UBAP2: variants seen among roughly 807,000 people sequenced by gnomAD.
UBAP2 encodes the protein ubiquitin associated protein 2, also known as ubiquitin-associated protein 2.
A neutral mutation model predicts 139.6 loss-of-function variants in UBAP2; 75 were observed. The observed-to-expected ratio is 0.54, with a 90% CI of 0.45 to 0.65. UBAP2 has a LOEUF of 0.65. UBAP2 is among the 30% of genes least tolerant of loss of function. The pLI is 0.00. For missense variants in UBAP2, 1,368 were observed against 1,369.6 expected, an observed-to-expected ratio of 1.00 and a Z score of 0.02; for synonymous variants, 526 against 526.2, an observed-to-expected ratio of 1.00 and a Z score of 0.01.
chr9:33,991,104 G>A (rs1399666324), intron 4 of UBAP2, among the ~76,000 whole-genome samples: 1 of 152,090 alleles, frequency 6.6e-6, no homozygotes, highest in East Asian at 1.9e-4. Context: ...GGCCAACATT[G>A]TGAAACTCTT....
At chr9:33,976,813 A>G (rs1198751443) in intron 6 of UBAP2, among the ~76,000 whole-genome samples, 1 of 151,568 alleles carries the variant, frequency 6.6e-6, no homozygotes, top group Non-Finnish European at 1.5e-5. Flanking sequence ...CCTGGCCAAC[A>G]TGGTGAAATC....
At chr9:33,943,302 A>G (rs890370281) in intron 15 of UBAP2, 118 bp downstream of exon 15, 3 of 997,938 alleles carry the variant, frequency 3.0e-6, no homozygotes, top group South Asian at 4.0e-5. Flanking sequence ...TCTTATGGAG[A>G]TGATGGAAGG....
intron 4 of UBAP2, among the ~76,000 whole-genome samples, chr9:33,991,878 G>A (rs959718842): frequency 2.0e-5 from 3 of 152,098 alleles, no homozygotes; most frequent in East Asian, 1.9e-4. Context: ...ACACAGCCTC[G>A]CCGAAAGGTA....
At position 33,944,355 on chromosome 9, in the gene UBAP2, A is replaced by C. The variant is rs1825480239; in HGVS notation, c.1545+10T>G. On this transcript the variant is annotated intron_variant, in intron 14 of 28. Transcript: ENST00000379238. ...GCTTTAGGACGGTGACTTCATGATGAAATGCCCACCTTAGAAGCTGGGGGT... is the reference window on the plus strand; with the variant it reads ...GCTTTAGGACGGTGACTTCATGATGCAATGCCCACCTTAGAAGCTGGGGGT... 1 of 1,608,760 alleles carries C rather than the reference A, an allele frequency of 6.2e-7. No homozygotes were observed. The highest frequency in any genetic ancestry group is 2.2e-5 in the East Asian group (1 of 44,746).
At chr9:33,960,940 A>G in intron 9 of UBAP2, 62 bp from the exon 10 acceptor site, 4 of 1,527,260 alleles carry the variant, frequency 2.6e-6, no homozygotes, top group Non-Finnish European at 3.6e-6. Context: ...CTCAGTCCAA[A>G]TGATTCCTTT....
intron 2 of UBAP2, among the ~76,000 whole-genome samples, chr9:34,007,451 C>T (rs1328658824): frequency 3.1e-4 from 46 of 149,964 alleles, no homozygotes; most frequent in Admixed American, 2.9e-3. Flanking sequence ...GAGCCATGTT[C>T]GCATCATTAT....
chr9:34,029,847 C>T (rs1825735101), intron 1 of UBAP2, among the ~76,000 whole-genome samples: 1 of 150,226 alleles, frequency 6.7e-6, no homozygotes, highest in African/African-American at 2.4e-5. Context: ...AATTAGGCCG[C>T]TGTGGTGGGG....
intron 1 of UBAP2, among the ~76,000 whole-genome samples, chr9:34,035,088 T>C (rs1036378838): frequency 6.6e-6 from 1 of 152,150 alleles, no homozygotes; most frequent in Non-Finnish European, 1.5e-5. Flanking sequence ...TTCTGTATTC[T>C]GGTTTCCATC....
intron 1 of UBAP2, among the ~76,000 whole-genome samples, chr9:34,017,686 C>G (rs569448262): frequency 2.4e-4 from 37 of 152,152 alleles, no homozygotes; most frequent in Admixed American, 6.6e-4. Context: ...CAGCAATTCA[C>G]GAGGCCGAGG....
chr9:33,956,647 A>C (rs1332707720), intron 10 of UBAP2, among the ~76,000 whole-genome samples: 2 of 152,044 alleles, frequency 1.3e-5, no homozygotes, highest in Non-Finnish European at 2.9e-5. Context: ...AGGTAATTTT[A>C]GATTGAAAGG....
chr9:33,927,127 A>G, intron 20 of UBAP2, 47 bp from the exon 21 acceptor site: 2 of 1,461,346 alleles, frequency 1.4e-6, no homozygotes, highest in South Asian at 2.5e-5. Context: ...CACCACAAAG[A>G]GTGAGAGTCC....
chr9:34,049,030 C>T (rs1827886403), upstream of UBAP2: 1 of 152,326 alleles, frequency 6.6e-6, no homozygotes, highest in Non-Finnish European at 1.5e-5. Context: ...TTCCAGCCAC[C>T]ACCTCCACCC....
intron 1 of UBAP2, among the ~76,000 whole-genome samples, chr9:34,036,804 CTCTTTT>C (rs1318368596): frequency 5.3e-4 from 73 of 137,888 alleles, no homozygotes; most frequent in African/African-American, 1.3e-3. Context: ...TTAAGTTTTT[CTCTTTT>C]TTTTTTTTTT....
intron 1 of UBAP2, among the ~76,000 whole-genome samples, chr9:34,046,298 T>C (rs1309124453): frequency 8.5e-6 from 1 of 117,460 alleles, no homozygotes; most frequent in Non-Finnish European, 1.7e-5. Context: ...TAAATCATCA[T>C]TTAAAAAAAA....
At chr9:34,007,340 T>C (rs1192943067) in intron 2 of UBAP2, among the ~76,000 whole-genome samples, 2 of 151,838 alleles carry the variant, frequency 1.3e-5, no homozygotes, top group East Asian at 3.9e-4. Flanking sequence ...CTTCAAAAAA[T>C]AAAACATTAG....
intron 12 of UBAP2, among the ~76,000 whole-genome samples, chr9:33,951,441 G>A (rs1240936668): frequency 1.4e-5 from 2 of 143,538 alleles, no homozygotes; most frequent in African/African-American, 5.1e-5. Context: ...CCACCTCCCG[G>A]GTTCAAGTGA....
intron 1 of UBAP2, among the ~76,000 whole-genome samples, chr9:34,039,180 G>A (rs1432685599): frequency 2.7e-5 from 4 of 150,714 alleles, no homozygotes; most frequent in Non-Finnish European, 4.4e-5. Context: ...CGCCCCTTCC[G>A]GGAGGGAGGT....
chr9:34,012,668 G>C (rs779701689), intron 2 of UBAP2, among the ~76,000 whole-genome samples: 19 of 152,042 alleles, frequency 1.2e-4, no homozygotes, highest in Non-Finnish European at 2.4e-4. Flanking sequence ...AAGTGAAGAA[G>C]AACCTTATTC....
At chr9:33,935,770 C>T (rs1298248604) in intron 17 of UBAP2, 69 bp downstream of exon 17, 2 of 1,578,724 alleles carry the variant, frequency 1.3e-6, no homozygotes. Flanking sequence ...TTCCACATCA[C>T]GTGAGCTATC....
Sources: gnomAD v4.1 joint callset for allele counts (sites outside exome capture counted in the v4.1 genomes callset) on GRCh38, gnomAD v4.1.1 for gene constraint, MANE v1.5 for transcripts, NCBI Gene and HGNC (gene_info 2026-07-23, HGNC 2026-07-21) for gene names.